Variants in MCTP2 observed in about 807,000 individuals in gnomAD.
The protein encoded by MCTP2 is multiple C2 and transmembrane domain containing 2.
In MCTP2, 132 loss-of-function variants were observed where a neutral mutation model predicts 111.6. The ratio of observed to expected loss-of-function variants is 1.18; its 90% CI spans 1.03 to 1.37. The LOEUF (loss-of-function observed/expected upper bound fraction) is 1.37, where lower values mean the gene tolerates loss of function less well. Ranked by LOEUF, MCTP2 falls within the 40% of genes most tolerant of loss-of-function variation. The probability of loss-of-function intolerance (pLI) is 0.00; values close to 1 mark genes in which losing one functional copy is unlikely to be tolerated. For missense variants in MCTP2, 1,183 were observed against 1,067.9 expected (o/e 1.11, Z -1.50); for synonymous variants, 395 against 387.7 (o/e 1.02, Z -0.22).
chr15:94,390,102 A>ACG (rs1567603204), intron 14 of MCTP2, among the ~76,000 whole-genome samples: 5,874 of 39,016 alleles, frequency 0.15, 435 homozygotes, highest in Non-Finnish European at 0.27. Flanking sequence ...ATATATATAT[A>ACG]TATATATATA....
Position 94,367,484 on chromosome 15 carries a change from A to G in MCTP2, c.1302-121A>G, listed in dbSNP as rs954321761. The G allele has an allele frequency of 1.1e-5, 8 of 748,358 alleles. No individual in the cohort carries two copies. The South Asian group carries it at 1.5e-4, about 14-fold the overall frequency. The allele number at this position is 748,358 out of a possible 1,614,324, so 46.4% of individuals were successfully genotyped here. On this transcript the variant is annotated intron_variant, in intron 10 of 22. Transcript: ENST00000357742. ...TAGGGCAACCTTTGCTGCTCAATAA[A>G]CCTAAGACCAGACAGAGTGAGTTTT...
intron 14 of MCTP2, 139 bp from the exon 15 acceptor site, chr15:94,398,822 G>A: frequency 1.8e-6 from 1 of 556,482 alleles, no homozygotes. Flanking sequence ...GATTTATGGT[G>A]GATTTAATAT....
At chr15:94,375,386 A>G (rs746723643) in intron 12 of MCTP2, among the ~76,000 whole-genome samples, 4 of 152,110 alleles carry the variant, frequency 2.6e-5, no homozygotes, top group Admixed American at 1.3e-4. Flanking sequence ...TTCATTTTTC[A>G]TGTTTCCATT....
At chr15:94,378,616 A>C (rs1186957621) in intron 12 of MCTP2, among the ~76,000 whole-genome samples, 2 of 152,214 alleles carry the variant, frequency 1.3e-5, no homozygotes, top group Non-Finnish European at 2.9e-5. Flanking sequence ...ATCAGAAATT[A>C]AGATAAATAA....
rs906864361 is a variant in MCTP2 at position 94,347,735 on chromosome 15, T to A, written c.1005+2571T>A. 3.3e-5 allele frequency among the ~76,000 whole-genome samples: 5 copies of A among 152,340 alleles called. No homozygotes were observed. In the East Asian group the frequency reaches 7.7e-4, roughly 23 times the overall value. On this transcript the variant is annotated intron_variant, in intron 8 of 22. Transcript: ENST00000357742. ...CCTTATTTCCCGCTTTTCTAATTTG[T>A]ATAACAATTCGAGAGCTAAAAAATA...
rs770522834 is a variant in MCTP2 at position 94,367,786 on chromosome 15, C to A, written c.1483C>A (p.Arg495=). 6.3e-7 allele frequency: 1 copy of A among 1,598,350 alleles called. No homozygotes were observed. Among genetic ancestry groups the A allele is most frequent in the African/African-American group, 1.4e-5 (1 of 73,484 alleles). ...DLSERKQITQ[R]YCLQNSLKDV... is the part of the protein sequence containing the mutation. Reference sequence around the variant, plus strand: ...CAGCGAAAGAAAGCAGATTACCCAGCGATATGTGAGTGTTTTTCCTTATTG... The same window carrying A: ...CAGCGAAAGAAAGCAGATTACCCAGAGATATGTGAGTGTTTTTCCTTATTG... The change falls in exon 11 of 23, where the codon CGA becomes AGA. Residue 495 remains arginine, a synonymous_variant. Coordinates refer to ENST00000357742, the MANE Select transcript of MCTP2 (RefSeq NM_001385001.1).
At chr15:94,302,842 T>C (rs1386680179) in intron 2 of MCTP2, among the ~76,000 whole-genome samples, 1 of 152,122 alleles carries the variant, frequency 6.6e-6, no homozygotes, top group Admixed American at 6.6e-5. Context: ...TAGTCCATTT[T>C]CATGCTACTG....
At chr15:94,322,859 CA>C (rs1406966878) in intron 4 of MCTP2, among the ~76,000 whole-genome samples, 11 of 152,208 alleles carry the variant, frequency 7.2e-5, no homozygotes, top group Admixed American at 3.3e-4. Context: ...AGACAGCTCA[CA>C]AACCCCAAGA....
At chr15:94,244,473 C>G (rs1401205564) in intron 1 of MCTP2, among the ~76,000 whole-genome samples, 1 of 147,382 alleles carries the variant, frequency 6.8e-6, no homozygotes, top group African/African-American at 2.5e-5. Flanking sequence ...TACATATGCA[C>G]CTATGTTTAT....
At chr15:94,313,817 A>G (rs1446160554) in intron 2 of MCTP2, among the ~76,000 whole-genome samples, 1 of 152,206 alleles carries the variant, frequency 6.6e-6, no homozygotes, top group East Asian at 1.9e-4. Context: ...TGCTAGCCCC[A>G]TGAAGGTATG....
intron 9 of MCTP2, 122 bp downstream of exon 9, chr15:94,356,423 T>TA (rs2078629881): frequency 1.1e-6 from 1 of 882,422 alleles, no homozygotes; most frequent in South Asian, 2.4e-5. Context: ...CCTAACTATA[T>TA]TAAAGAGCAG....
chr15:94,343,519 ATTTACTC>A (rs2077780159), intron 7 of MCTP2: 1 of 152,168 alleles, frequency 6.6e-6, no homozygotes, highest in Non-Finnish European at 1.5e-5. Context: ...ATGTTTATGA[ATTTACTC>A]TTGTGTCCAG....
intron 10 of MCTP2, among the ~76,000 whole-genome samples, chr15:94,364,986 G>A (rs908795221): frequency 1.3e-5 from 2 of 152,130 alleles, no homozygotes; most frequent in African/African-American, 4.8e-5. Context: ...GACACCAGGT[G>A]GGTAGAAGAG....
At chr15:94,299,103 TG>T (rs1459926306) in intron 2 of MCTP2, among the ~76,000 whole-genome samples, 1 of 140,884 alleles carries the variant, frequency 7.1e-6, no homozygotes. Context: ...TTAGCTCAGA[TG>T]GGGAGAATGT....
intron 1 of MCTP2, among the ~76,000 whole-genome samples, chr15:94,287,657 T>C (rs1224136747): frequency 6.6e-6 from 1 of 152,220 alleles, no homozygotes; most frequent in African/African-American, 2.4e-5. Flanking sequence ...GTAAAGCTAG[T>C]TGAAGTCTCA....
intron 14 of MCTP2, 22 bp from the exon 15 acceptor site, chr15:94,398,939 T>C (rs775821984): frequency 7.0e-7 from 1 of 1,418,502 alleles, no homozygotes; most frequent in Admixed American, 1.8e-5. Context: ...CCAATGTGTA[T>C]TTTGTCTTTT....
chr15:94,360,492 A>G (rs931190116), intron 10 of MCTP2, among the ~76,000 whole-genome samples: 7 of 152,208 alleles, frequency 4.6e-5, no homozygotes, highest in African/African-American at 1.7e-4. Flanking sequence ...TAGCCGAAAG[A>G]GCAAAGATCA....
chr15:94,347,024 TAAAG>T (rs1216096259), intron 8 of MCTP2, among the ~76,000 whole-genome samples: 1 of 152,146 alleles, frequency 6.6e-6, no homozygotes, highest in Admixed American at 6.5e-5. Context: ...CCTAGATAAA[TAAAG>T]TTTACTTTAT....
At chr15:94,356,376 A>C (rs1232696400) in intron 9 of MCTP2, 75 bp downstream of exon 9, 2 of 1,344,842 alleles carry the variant, frequency 1.5e-6, no homozygotes, top group Non-Finnish European at 9.8e-7. Context: ...TCCCACTTTA[A>C]ATTTTACAAA....
Sources: gnomAD v4.1 joint callset for allele counts (sites outside exome capture counted in the v4.1 genomes callset) on GRCh38, gnomAD v4.1.1 for gene constraint, MANE v1.5 for transcripts, NCBI Gene and HGNC (gene_info 2026-07-23, HGNC 2026-07-21) for gene names.